Variants in TAT observed in about 807,000 individuals in gnomAD.
TAT encodes tyrosine aminotransferase.
TAT carries 35 observed loss-of-function variants against 53.6 expected under a neutral mutation model. The observed-to-expected ratio is 0.65, with a 90% CI of 0.50 to 0.87. TAT has a LOEUF of 0.87. Among genes scored for constraint, TAT ranks in the 40% least tolerant of loss-of-function variants. The pLI is 0.00. For missense variants in TAT, 525 were observed against 571.8 expected (o/e 0.92, Z 0.83); for synonymous variants, 197 against 206.5 (o/e 0.95, Z 0.39).
In TAT at chr16:71,570,763, T is replaced by TCC; in HGVS notation, c.826_827dup (p.Gly277GlufsTer35). 6.2e-7 allele frequency: 1 copy of TCC among 1,614,172 alleles called. No individual in the cohort carries two copies. The highest frequency in any genetic ancestry group is 8.5e-7 in the Non-Finnish European group (1 of 1,180,032). On this transcript the variant is annotated frameshift_variant, in exon 8 of 12. Coordinates refer to ENST00000355962, the MANE Select transcript of TAT (RefSeq NM_000353.3). LOFTEE classifies it high-confidence loss of function. ...GAACCAGCCAGCGCTTGGCCAGCCC[T>TCC]CCACAGGACAGGATGGGGACATCGG...
chr16:71,574,243 G>A (rs1308743282), intron 3 of TAT, among the ~76,000 whole-genome samples: 1 of 152,120 alleles, frequency 6.6e-6, no homozygotes, highest in Non-Finnish European at 1.5e-5. Flanking sequence ...GTAATACAAG[G>A]ATTTCTATTA....
chr16:71,571,510 T>C (rs2044202671), intron 7 of TAT, 96 bp downstream of exon 7: 2 of 1,147,122 alleles, frequency 1.7e-6, no homozygotes, highest in Admixed American at 3.5e-5. Context: ...TTTGCTGTAA[T>C]GAAACGATTA....
Position 71,570,254 on chromosome 16 carries a change from A to G in TAT, c.1041+15T>C. The stretch of plus-strand genomic sequence containing the variant: ...CTCCCAAACTCCCAAAGTGGAGGGC[A>G]GGAGCTGCCCTTACCTTGAGGAAGC... On this transcript the variant is annotated intron_variant, in intron 9 of 11. Transcript: ENST00000355962. The G allele has an allele frequency of 6.2e-7, 1 of 1,614,180 alleles. No homozygotes were observed. Among genetic ancestry groups the G allele is most frequent in the Non-Finnish European group, 8.5e-7 (1 of 1,180,010 alleles).
chr16:71,568,514 C>T lies in TAT; in HGVS notation c.1224+197G>A. 4.4e-6 allele frequency: 3 copies of T among 686,120 alleles called. No individual in the cohort carries two copies. The South Asian group carries it at 5.5e-5, about 13-fold the overall frequency. The allele number at this position is 686,120 out of a possible 1,614,324, so 42.5% of individuals were successfully genotyped here. On this transcript the variant is annotated intron_variant, in intron 11 of 11. Transcript: ENST00000355962. ...CCTAGAACGTTTGTTTACAACTTTTCTTCCCAGTATGGATGGGATTATGAT... is the reference window on the plus strand; with the variant it reads ...CCTAGAACGTTTGTTTACAACTTTTTTTCCCAGTATGGATGGGATTATGAT...
intron 10 of TAT, 75 bp downstream of exon 10, chr16:71,569,779 G>A (rs1273056574): frequency 1.1e-5 from 16 of 1,414,526 alleles, no homozygotes; most frequent in Non-Finnish European, 1.6e-5. Flanking sequence ...GTGACTGCCT[G>A]TGGCAATTCT....
chr16:71,571,355 T>C (rs1013398449), intron 7 of TAT, among the ~76,000 whole-genome samples: 1 of 152,096 alleles, frequency 6.6e-6, no homozygotes, highest in African/African-American at 2.4e-5. Context: ...GTGGGAAAAA[T>C]AAAAATCTAC....
intron 1 of TAT, 116 bp from the exon 2 acceptor site, chr16:71,576,543 T>G (rs934983128): frequency 5.7e-6 from 5 of 876,442 alleles, no homozygotes; most frequent in Non-Finnish European, 9.1e-6. Flanking sequence ...CCAAACTCTC[T>G]CTTTATTTTT....
chr16:71,575,740 T>C (rs944313581), intron 3 of TAT, 182 bp downstream of exon 3: 3 of 679,278 alleles, frequency 4.4e-6, no homozygotes, highest in African/African-American at 3.6e-5. Flanking sequence ...AAGTTGGACC[T>C]TGATGCCTTG....
Position 71,566,468 on chromosome 16 carries a change from C to T in TAT, c.*1676G>A, listed in dbSNP as rs1200300518. On this transcript the variant is annotated 3_prime_UTR_variant, in exon 12 of 12. Transcript: ENST00000355962. ...AGGCAACTGTGCCTATGAAGATTTG[C>T]GAAAAAAAAAAAAAAAAAAAAACAT... 9.6e-5 allele frequency: 7 copies of T among 72,938 alleles called. No individual in the cohort carries two copies. Among genetic ancestry groups the T allele is most frequent in the African/African-American group, 1.7e-4 (3 of 17,374 alleles). The allele number at this position is 72,938 out of a possible 1,614,324, so 4.5% of individuals were successfully genotyped here.
chr16:71,575,546 T>A (rs903193710), intron 3 of TAT: 4 of 331,160 alleles, frequency 1.2e-5, no homozygotes, highest in Non-Finnish European at 2.3e-5. Flanking sequence ...GCAAAGGAGC[T>A]ATATACACAG....
chr16:71,572,228 C>T lies in TAT; in HGVS notation c.664G>A (p.Gly222Arg). Residue 222 changes from glycine (G) to arginine (R), a missense_variant, in exon 6 of 12, where the codon GGG (glycine) becomes AGG (arginine). Gly to Arg is a moderately radical substitution (Grantham distance 125). Coordinates refer to ENST00000355962, the MANE Select transcript of TAT (RefSeq NM_000353.3). The stretch of plus-strand genomic sequence containing the variant: ...AGATGACGTTTGCTGAACACTGACC[C>T]ACAGGGGTTTGATGGATTATTGACA... ...LIVNNPSNPC[G>R]SVFSKRHLQK... 4 of 1,614,198 alleles carry T rather than the reference C, an allele frequency of 2.5e-6. No individual in the cohort carries two copies. The highest frequency in any genetic ancestry group is 3.4e-6 in the Non-Finnish European group (4 of 1,180,030).
Position 71,572,697 on chromosome 16 carries a change from G to T in TAT, c.409-9C>A. On this transcript the variant is annotated splice_polypyrimidine_tract_variant and intron_variant, in intron 4 of 11. Coordinates refer to ENST00000355962, the MANE Select transcript of TAT (RefSeq NM_000353.3). ...CTTGTCAGAATGACGTCCTGTGAAG[G>T]AAATAAAAGGTTAATTTCATTAGGG... is the stretch of plus-strand genomic sequence containing the variant. 6.2e-7 allele frequency: 1 copy of T among 1,614,196 alleles called. No homozygotes were observed. The highest frequency in any genetic ancestry group is 8.5e-7 in the Non-Finnish European group (1 of 1,180,024).
intron 2 of TAT, 47 bp from the exon 3 acceptor site, chr16:71,576,073 C>G (rs2044233042): frequency 1.2e-6 from 2 of 1,611,306 alleles, no homozygotes; most frequent in Non-Finnish European, 1.7e-6. Flanking sequence ...GTTATTCTCC[C>G]ATGTTCAGTA....
intron 3 of TAT, among the ~76,000 whole-genome samples, chr16:71,573,862 G>A (rs1020676438): frequency 6.6e-6 from 1 of 151,316 alleles, no homozygotes; most frequent in Admixed American, 6.6e-5. Context: ...TGTTTTTTTT[G>A]TAGAGACAGA....
At chr16:71,569,557 T>A (rs2044186410) in intron 10 of TAT, among the ~76,000 whole-genome samples, 1 of 152,166 alleles carries the variant, frequency 6.6e-6, no homozygotes, top group Admixed American at 6.5e-5. Flanking sequence ...CCCAGGCTGG[T>A]CTCTAACTCC....
chr16:71,570,047 T>C (rs1284522842), intron 9 of TAT, 110 bp from the exon 10 acceptor site: 1 of 1,314,954 alleles, frequency 7.6e-7, no homozygotes, highest in African/African-American at 1.5e-5. Context: ...TGTGATGTTC[T>C]GGCATAAGGA....
intron 3 of TAT, 32 bp from the exon 4 acceptor site, chr16:71,573,638 T>C: frequency 5.2e-6 from 8 of 1,548,422 alleles, no homozygotes; most frequent in Non-Finnish European, 7.0e-6. Context: ...TGGAGCTTTT[T>C]TGGTTTTTAG....
chr16:71,571,788 G>T, intron 6 of TAT, 130 bp from the exon 7 acceptor site: 1 of 940,788 alleles, frequency 1.1e-6, no homozygotes, highest in Non-Finnish European at 1.7e-6. Flanking sequence ...AAGACAAAAA[G>T]CACAAGCAAA....
In TAT at chr16:71,577,019, A is replaced by G. The variant is rs759069172; in HGVS notation, c.-23T>C. The G allele has an allele frequency of 1.3e-5, 2 of 157,444 alleles. No homozygotes were observed. The highest frequency in any genetic ancestry group is 2.8e-5 in the Non-Finnish European group (2 of 71,558). The allele number at this position is 157,444 out of a possible 1,614,324, so 9.8% of individuals were successfully genotyped here. A position where few individuals can be genotyped will look rare whatever the true frequency, so the allele number is the denominator to read the frequency against. ...GCTTGAGATTTTTACCTTCCAAGTA[A>G]AGGAGAAAGCAGCCTCCAAGAAGCC... On this transcript the variant is annotated 5_prime_UTR_variant, in exon 1 of 12. Transcript: ENST00000355962.
Sources: allele counts gnomAD v4.1 joint callset (sites outside exome capture counted in the v4.1 genomes callset), GRCh38; gene constraint gnomAD v4.1.1; transcripts MANE v1.5; gene names NCBI Gene and HGNC (gene_info 2026-07-23, HGNC 2026-07-21).